The following MYLK2 variants were observed in gnomAD, a reference collection of about 807,000 sequenced individuals.
MYLK2 encodes the protein myosin light chain kinase 2, skeletal/cardiac muscle.
Under a neutral mutation model 58.2 loss-of-function variants are expected in MYLK2, and 27 were observed. The ratio of observed to expected loss-of-function variants is 0.46; its 90% CI spans 0.34 to 0.64. The LOEUF (loss-of-function observed/expected upper bound fraction) is 0.64. Among genes scored for constraint, MYLK2 ranks in the 30% least tolerant of loss-of-function variants. MYLK2 has a pLI of 0.01. For missense variants in MYLK2, 676 were observed against 764.3 expected, an observed-to-expected ratio of 0.88 and a Z score of 1.36; for synonymous variants, 310 against 296.7, an observed-to-expected ratio of 1.04 and a Z score of -0.46.
At position 31,826,793 on chromosome 20, in the gene MYLK2, A is replaced by G. The variant is rs369435472; in HGVS notation, c.1083-4A>G. 9.3e-6 allele frequency: 15 copies of G among 1,614,020 alleles called. No individual in the cohort carries two copies. The highest frequency in any genetic ancestry group is 1.7e-5 in the Admixed American group (1 of 60,010). On this transcript the variant is annotated splice_region_variant and splice_polypyrimidine_tract_variant and intron_variant, in intron 7 of 12. Coordinates refer to ENST00000375985, the MANE Select transcript of MYLK2 (RefSeq NM_033118.4). ...GCAAGCCGTGGAGGGGTCTGTGCAC[A>G]CAGCATCGAGGGCGGAGAGCTCTTC...
rs754689901 is a variant in MYLK2 at position 31,820,573 on chromosome 20, AG to A, written c.473+31del. On this transcript the variant is annotated intron_variant, in intron 3 of 12. Transcript: ENST00000375985. ...TGAATATCCCCTCCTGGGAGTGGGG[AG>A]GGGTCCTGTGGTTCTGTCCCTAGGG... 6.9e-6 allele frequency: 11 copies of A among 1,598,378 alleles called. No homozygotes were observed. In the African/African-American group the frequency reaches 8.0e-5, roughly 12 times the overall value.
chr20:31,826,785 C>T lies in MYLK2; in HGVS notation c.1083-12C>T. Reference sequence around the variant, plus strand: ...GGCACGGAGCAAGCCGTGGAGGGGTCTGTGCACACAGCATCGAGGGCGGAG... The same window carrying T: ...GGCACGGAGCAAGCCGTGGAGGGGTTTGTGCACACAGCATCGAGGGCGGAG... On this transcript the variant is annotated splice_polypyrimidine_tract_variant and intron_variant, in intron 7 of 12. Coordinates refer to ENST00000375985, the MANE Select transcript of MYLK2 (RefSeq NM_033118.4). 1.2e-6 allele frequency: 2 copies of T among 1,614,104 alleles called. No homozygotes were observed. Among genetic ancestry groups the T allele is most frequent in the Non-Finnish European group, 1.7e-6 (2 of 1,180,008 alleles).
chr20:31,827,412 C>A, intron 8 of MYLK2: 1 of 985,340 alleles, frequency 1.0e-6, no homozygotes, highest in Non-Finnish European at 1.2e-6. Flanking sequence ...GTGAACCAAA[C>A]AGATAAAAAT....
rs1449635652 is a variant in MYLK2, at chr20:31,824,494, A to C, written c.972+142A>C. ...TGCAGTGAAAATACTACACAGATAG[A>C]GAGATGGATGGACAGCCCTGCAGCA... On this transcript the variant is annotated intron_variant, in intron 6 of 12. Coordinates refer to ENST00000375985, the MANE Select transcript of MYLK2 (RefSeq NM_033118.4). The C allele has an allele frequency of 4.6e-6, 7 of 1,512,168 alleles. No individual in the cohort carries two copies. The Admixed American group carries it at 1.0e-4, about 22-fold the overall frequency. The allele number at this position is 1,512,168 out of a possible 1,614,324, so 93.7% of individuals were successfully genotyped here.
rs2062303655 is a variant in MYLK2, at chr20:31,830,994, C to T, written c.1296-19C>T. 1.2e-6 allele frequency: 2 copies of T among 1,614,046 alleles called. No homozygotes were observed. The highest frequency in any genetic ancestry group is 1.3e-5 in the African/African-American group (1 of 74,912). On this transcript the variant is annotated intron_variant, in intron 9 of 12. Transcript: ENST00000375985. Reference sequence around the variant, plus strand: ...TATAGGCCAGGAGCTGTGCTCTCAGCCCTTGGTCTCACCCCCAGGTATAAC... The same window carrying T: ...TATAGGCCAGGAGCTGTGCTCTCAGTCCTTGGTCTCACCCCCAGGTATAAC...
chr20:31,824,296 G>A lies in MYLK2; in HGVS notation c.916G>A (p.Ala306Thr). 6.2e-7 allele frequency: 1 copy of A among 1,613,748 alleles called. No individual in the cohort carries two copies. Among genetic ancestry groups the A allele is most frequent in the Non-Finnish European group, 8.5e-7 (1 of 1,179,860 alleles). ...GGCAGTCTGTACCTGCATGGAGAAA[G>A]CCACAGGCCTCAAGCTGGCAGCCAA... ...FGAVCTCMEK[A>T]TGLKLAAKVI... The change falls in exon 6 of 13, where the codon GCC (alanine) becomes ACC (threonine). Residue 306 changes from alanine to threonine, a missense_variant. This residue lies in a region of MYLK2 where 370 missense variants were observed against 467.8 expected (regional missense o/e 0.79). Coordinates refer to ENST00000375985, the MANE Select transcript of MYLK2 (RefSeq NM_033118.4).
intron 8 of MYLK2, among the ~76,000 whole-genome samples, chr20:31,827,938 A>C (rs1202426050): frequency 7.9e-6 from 1 of 125,898 alleles, no homozygotes; most frequent in Non-Finnish European, 1.6e-5. Context: ...GCCAGGCTGG[A>C]GTGCAGTGGT....
intron 11 of MYLK2, 60 bp from the exon 12 acceptor site, chr20:31,831,944 C>G (rs2062308508): frequency 3.1e-6 from 5 of 1,612,974 alleles, no homozygotes; most frequent in Non-Finnish European, 4.2e-6. Context: ...GAGAGGCCAG[C>G]TGAGCCCCTG....
rs2062310696 is a variant in MYLK2 at position 31,832,218 on chromosome 20, T to C, written c.1710+82T>C. 7 of 1,546,994 alleles carry C rather than the reference T, an allele frequency of 4.5e-6. No homozygotes were observed. The South Asian group carries it at 8.3e-5, about 18-fold the overall frequency. ...GCCAGATCCCAGCCTCCACCGTCCC[T>C]GCCTTGGCAGGTTCTGTTGACCAGG... On this transcript the variant is annotated intron_variant, in intron 12 of 12. Coordinates refer to ENST00000375985, the MANE Select transcript of MYLK2 (RefSeq NM_033118.4).
chr20:31,826,775 G>A (rs11699351), intron 7 of MYLK2, 22 bp from the exon 8 acceptor site: 63,219 of 1,614,026 alleles, frequency 0.039, 1,430 homozygotes, highest in Middle Eastern at 0.046. Context: ...GGAGCAAGCC[G>A]TGGAGGGGTC....
At chr20:31,830,422 C>T (rs2062300082) in intron 8 of MYLK2, among the ~76,000 whole-genome samples, 1 of 152,194 alleles carries the variant, frequency 6.6e-6, no homozygotes. Flanking sequence ...TTTCTCTGTT[C>T]TCTGGAGCTT....
rs1485747110 is a variant in MYLK2 at position 31,828,348 on chromosome 20, T to TG, written c.1224+1412dup. ...ATGCTGTGCGTTAAGTGGCGGGACA[T>TG]GGAATCTTAATGTGGAGGCGCGTGA... On this transcript the variant is annotated intron_variant, in intron 8 of 12. Coordinates refer to ENST00000375985, the MANE Select transcript of MYLK2 (RefSeq NM_033118.4). 3 of 985,216 alleles carry TG rather than the reference T, an allele frequency of 3.0e-6. No homozygotes were observed. In the East Asian group the frequency reaches 3.4e-4, roughly 112 times the overall value. 61.0% of individuals were successfully genotyped at this position (985,216 alleles called of 1,614,324 possible).
In MYLK2 at chr20:31,820,429, G is replaced by A. The variant is rs1431587843; in HGVS notation, c.356G>A (p.Gly119Asp). 2 of 1,612,720 alleles carry A rather than the reference G, an allele frequency of 1.2e-6. No individual in the cohort carries two copies. The highest frequency in any genetic ancestry group is 1.7e-6 in the Non-Finnish European group (2 of 1,179,954). ...KKPKAEQGASGSQDPGKPRVG... is the reference protein window; with the variant it reads ...KKPKAEQGASDSQDPGKPRVG... ...CCCAAGGCTGAGCAGGGAGCCTCAG[G>A]CAGCCAGGATCCTGGAAAGCCCAGG... is the stretch of plus-strand genomic sequence containing the variant. The change falls in exon 3 of 13, where the codon GGC (glycine) becomes GAC (aspartate). Residue 119 changes from glycine (G) to aspartate (D), a missense_variant. Gly to Asp is a moderately conservative substitution (Grantham distance 94). Transcript: ENST00000375985.
chr20:31,833,601 A>G, intron 12 of MYLK2, 116 bp from the exon 13 acceptor site: 1 of 944,474 alleles, frequency 1.1e-6, no homozygotes. Context: ...TGGGCACTGC[A>G]CCTTCTCTAG....
chr20:31,827,818 C>G (rs532029526), intron 8 of MYLK2, among the ~76,000 whole-genome samples: 1 of 150,836 alleles, frequency 6.6e-6, no homozygotes, highest in African/African-American at 2.4e-5. Context: ...TGTTCCCGGC[C>G]TGATATCCCT....
intron 11 of MYLK2, 42 bp downstream of exon 11, chr20:31,831,897 TAGTGTGTCTG>T: frequency 6.2e-7 from 1 of 1,613,886 alleles, no homozygotes; most frequent in African/African-American, 1.3e-5. Flanking sequence ...TGTGCAAGCT[TAGTGTGTCTG>T]AGTGCTGGCA....
intron 6 of MYLK2, chr20:31,824,604 G>A: frequency 2.1e-6 from 2 of 975,256 alleles, no homozygotes; most frequent in South Asian, 9.5e-5. Context: ...GGATATTCAT[G>A]CCCTCTGGTT....
chr20:31,823,456 G>A (rs2062261473), intron 4 of MYLK2, 21 bp from the exon 5 acceptor site: 1 of 1,605,696 alleles, frequency 6.2e-7, no homozygotes, highest in Non-Finnish European at 8.5e-7. Flanking sequence ...CTGACCATGA[G>A]GGCTGTGCTC....
chr20:31,833,991 T>A lies in MYLK2; in HGVS notation c.*194T>A. 1.7e-6 allele frequency: 1 copy of A among 605,076 alleles called. No homozygotes were observed. 37.5% of individuals were successfully genotyped at this position (605,076 alleles called of 1,614,324 possible). A position where few individuals can be genotyped will look rare whatever the true frequency, so the allele number is the denominator to read the frequency against. On this transcript the variant is annotated 3_prime_UTR_variant, in exon 13 of 13. Transcript: ENST00000375985. ...TTCCCCGATGTGAGCCGCCTCGGAG[T>A]GTGGCCTGGATCCATCCTGCTAGCA... is the stretch of plus-strand genomic sequence containing the variant.
Sources: gnomAD v4.1 joint callset for allele counts (sites outside exome capture counted in the v4.1 genomes callset) on GRCh38, gnomAD v4.1.1 for gene constraint, gnomAD v4.1.1 regional missense constraint, MANE v1.5 for transcripts, NCBI Gene and HGNC (gene_info 2026-07-23, HGNC 2026-07-21) for gene names.